CAB39L: variants seen among roughly 807,000 people sequenced by gnomAD.
CAB39L encodes the protein calcium binding protein 39 like.
Under a neutral mutation model 39.1 loss-of-function variants are expected in CAB39L, and 23 were observed. That is an observed-to-expected ratio of 0.59 (90% CI 0.42 to 0.83). CAB39L has a LOEUF of 0.83. Among genes scored for constraint, CAB39L ranks in the 40% least tolerant of loss-of-function variants. CAB39L has a pLI of 0.00. For synonymous variants in CAB39L, 126 were observed against 137.2 expected, an observed-to-expected ratio of 0.92 and a Z score of 0.57; for missense variants, 366 against 391.9, an observed-to-expected ratio of 0.93 and a Z score of 0.56.
rs138590524 is a variant in CAB39L at position 49,359,771 on chromosome 13, C to A, written c.338G>T (p.Ser113Ile). 913 of 1,613,166 alleles carry A rather than the reference C, an allele frequency of 5.7e-4. 1 individual carries two copies. Among genetic ancestry groups the A allele is most frequent in the Non-Finnish European group, 7.3e-4 (863 of 1,179,302 alleles). ...AGCACTAATATACTCCACAGTAGGA[C>A]TCCGAGTGCCTATCTGTCTTCTCAA... ...NILRRQIGTR[S>I]PTVEYISAHP... Residue 113 changes from serine (S) to isoleucine (I), a missense_variant, in exon 6 of 11, where the codon AGT (serine) becomes ATT (isoleucine). Coordinates refer to ENST00000409308, the MANE Select transcript of CAB39L (RefSeq NM_001079670.3).
At chr13:49,313,643 C>T (rs1305761354) in intron 10 of CAB39L, among the ~76,000 whole-genome samples, 1 of 152,156 alleles carries the variant, frequency 6.6e-6, no homozygotes, top group Non-Finnish European at 1.5e-5. Context: ...GACTGGTGCA[C>T]TATTTTGTAA....
intron 6 of CAB39L, among the ~76,000 whole-genome samples, chr13:49,358,069 T>G (rs1955534299): frequency 6.6e-6 from 1 of 152,222 alleles, no homozygotes; most frequent in Admixed American, 6.5e-5. Flanking sequence ...CTAGAACATC[T>G]GCTCTGCACT....
intron 3 of CAB39L, chr13:49,401,656 C>A (rs1956774480): frequency 6.6e-6 from 1 of 152,168 alleles, no homozygotes; most frequent in African/African-American, 2.4e-5. Flanking sequence ...AGAAAAAAGT[C>A]TAGAGATAAA....
intron 4 of CAB39L, among the ~76,000 whole-genome samples, chr13:49,381,854 A>G (rs2138588577): frequency 6.6e-6 from 1 of 152,332 alleles, no homozygotes; most frequent in Non-Finnish European, 1.5e-5. Context: ...GCAGATGTGC[A>G]AGAATACCTC....
chr13:49,402,149 G>GT (rs1008515931), intron 3 of CAB39L, among the ~76,000 whole-genome samples: 6 of 151,994 alleles, frequency 3.9e-5, no homozygotes, highest in Admixed American at 3.3e-4. Context: ...TGGAAAGAAG[G>GT]TTTTTTTTCC....
intron 10 of CAB39L, among the ~76,000 whole-genome samples, chr13:49,330,873 T>G (rs1954671175): frequency 6.6e-6 from 1 of 152,006 alleles, no homozygotes; most frequent in African/African-American, 2.4e-5. Context: ...GAAAGTAACC[T>G]AAATATCAAT....
chr13:49,375,910 T>C (rs111739187), intron 5 of CAB39L, among the ~76,000 whole-genome samples: 3 of 152,070 alleles, frequency 2.0e-5, no homozygotes, highest in Non-Finnish European at 2.9e-5. Flanking sequence ...ACTGAAAGGA[T>C]GAGCTGAAGT....
intron 1 of CAB39L, among the ~76,000 whole-genome samples, chr13:49,438,441 T>C (rs948606200): frequency 6.6e-6 from 1 of 152,254 alleles, no homozygotes; most frequent in African/African-American, 2.4e-5. Flanking sequence ...TTCCAATCAT[T>C]TCTTGGTTGT....
At chr13:49,346,966 TAACTA>T in intron 7 of CAB39L, among the ~76,000 whole-genome samples, 2 of 152,144 alleles carry the variant, frequency 1.3e-5, no homozygotes, top group South Asian at 4.2e-4. Context: ...ACAATATTAA[TAACTA>T]AACTGAGCAA....
chr13:49,331,900 GA>G, intron 10 of CAB39L, 46 bp downstream of exon 10: 20 of 1,593,190 alleles, frequency 1.3e-5, no homozygotes, highest in South Asian at 4.5e-5. Context: ...TTTGGAACTG[GA>G]AAAAAAATTG....
intron 9 of CAB39L, among the ~76,000 whole-genome samples, chr13:49,337,792 G>T (rs979988040): frequency 3.4e-5 from 5 of 147,062 alleles, no homozygotes; most frequent in Admixed American, 6.8e-5. Flanking sequence ...CTCCCAAGTC[G>T]CCGCTTTCTG....
intron 3 of CAB39L, among the ~76,000 whole-genome samples, chr13:49,406,664 GAA>G (rs1053647794): frequency 6.0e-4 from 90 of 151,084 alleles, no homozygotes; most frequent in African/African-American, 2.1e-3. Flanking sequence ...CACCTTAATT[GAA>G]AAAAAAGTCA....
chr13:49,427,916 T>C (rs1223054117), intron 3 of CAB39L, among the ~76,000 whole-genome samples: 2 of 152,084 alleles, frequency 1.3e-5, no homozygotes, highest in Admixed American at 1.3e-4. Context: ...CGAAACAAGC[T>C]CTCTCAGGAC....
chr13:49,346,077 T>TATATATATATATATATATATATGCTAG (rs1566079160), intron 7 of CAB39L, among the ~76,000 whole-genome samples: 23 of 27,944 alleles, frequency 8.2e-4, no homozygotes, highest in African/African-American at 2.5e-3. Context: ...ATATGCTAGA[T>TATATATATATATATATATATATGCTAG]ATATATATAT....
At chr13:49,430,434 T>C (rs1437960078) in intron 3 of CAB39L, among the ~76,000 whole-genome samples, 1 of 152,166 alleles carries the variant, frequency 6.6e-6, no homozygotes, top group Non-Finnish European at 1.5e-5. Flanking sequence ...GCTCTAACAT[T>C]ATCTATTTTA....
intron 6 of CAB39L, among the ~76,000 whole-genome samples, chr13:49,352,900 A>G (rs1291387721): frequency 6.6e-6 from 1 of 152,242 alleles, no homozygotes; most frequent in Non-Finnish European, 1.5e-5. Context: ...TTGTTGAACA[A>G]TAAGTAATGT....
chr13:49,383,044 CT>C, intron 3 of CAB39L, 103 bp from the exon 4 acceptor site: 1 of 520,128 alleles, frequency 1.9e-6, no homozygotes, highest in Middle Eastern at 5.2e-4. Flanking sequence ...ATTCAGTAAT[CT>C]GAAACATTAA....
intron 1 of CAB39L, among the ~76,000 whole-genome samples, chr13:49,439,487 T>A (rs1957469016): frequency 6.6e-6 from 1 of 152,230 alleles, no homozygotes; most frequent in Non-Finnish European, 1.5e-5. Flanking sequence ...ATGTAACCAA[T>A]CTATCCCTGA....
intron 5 of CAB39L, among the ~76,000 whole-genome samples, chr13:49,366,218 A>G (rs1380653598): frequency 6.6e-6 from 1 of 152,154 alleles, no homozygotes; most frequent in Non-Finnish European, 1.5e-5. Flanking sequence ...AAAAAACAAT[A>G]GAAACAATGA....
Sources: allele counts gnomAD v4.1 joint callset (sites outside exome capture counted in the v4.1 genomes callset), GRCh38; gene constraint gnomAD v4.1.1; transcripts MANE v1.5; gene names NCBI Gene and HGNC (gene_info 2026-07-23, HGNC 2026-07-21).